PLCG2: variants seen among roughly 807,000 people sequenced by gnomAD.
The protein encoded by PLCG2 is 1-phosphatidylinositol 4,5-bisphosphate phosphodiesterase gamma-2.
In PLCG2, 69 loss-of-function variants were observed where a neutral mutation model predicts 175.6. The observed-to-expected ratio is 0.39, with a 90% CI of 0.32 to 0.48. The LOEUF (loss-of-function observed/expected upper bound fraction) is 0.48, where lower values mean the gene tolerates loss of function less well. PLCG2 is among the 20% of genes least tolerant of loss of function. The pLI is 0.91. For synonymous variants in PLCG2, 827 were observed against 624.0 expected (o/e 1.33, Z -4.85); for missense variants, 1,798 against 1,650.9 (o/e 1.09, Z -1.54).
intron 2 of PLCG2, among the ~76,000 whole-genome samples, chr16:81,759,035 G>A (rs1909987758): frequency 6.6e-6 from 1 of 152,024 alleles, no homozygotes; most frequent in Non-Finnish European, 1.5e-5. Flanking sequence ...ACCTCATTAT[G>A]GTTTTAATTT....
chr16:81,853,525 C>T (rs1275749726), intron 2 of PLCG2, among the ~76,000 whole-genome samples: 1 of 152,104 alleles, frequency 6.6e-6, no homozygotes, highest in African/African-American at 2.4e-5. Flanking sequence ...GATCATCAGG[C>T]ATTAGATTCC....
At chr16:81,881,029 G>A (rs1908054370) in intron 8 of PLCG2, 76 bp downstream of exon 8, 4 of 1,442,832 alleles carry the variant, frequency 2.8e-6, no homozygotes, top group Non-Finnish European at 1.9e-6. Context: ...GCCTCCAGGA[G>A]GGGATGCCTG....
intron 5 of PLCG2, among the ~76,000 whole-genome samples, chr16:81,860,802 C>G (rs993635448): frequency 4.6e-5 from 7 of 152,080 alleles, no homozygotes; most frequent in Non-Finnish European, 7.3e-5. Context: ...AAAACCCTGT[C>G]TCTACTAAAA....
upstream of PLCG2, among the ~76,000 whole-genome samples, chr16:81,775,709 G>T (rs1364106121): frequency 6.6e-6 from 1 of 152,156 alleles, no homozygotes; most frequent in Non-Finnish European, 1.5e-5. Flanking sequence ...AATACAAAGA[G>T]TCAAGATGAT....
At chr16:81,935,955 G>A (rs1426782007) in intron 26 of PLCG2, 29 of 984,870 alleles carry the variant, frequency 2.9e-5, no homozygotes, top group Non-Finnish European at 3.0e-5. Flanking sequence ...AAAGGTGGTG[G>A]GAAAACTAGG....
intron 2 of PLCG2, among the ~76,000 whole-genome samples, chr16:81,822,065 A>G (rs1230427337): frequency 6.6e-6 from 1 of 152,194 alleles, no homozygotes; most frequent in Non-Finnish European, 1.5e-5. Context: ...TACGCTGCAG[A>G]GATGCTGCAA....
Position 81,896,365 on chromosome 16 carries a change from AAC to A in PLCG2, c.1193+498_1193+499del, listed in dbSNP as rs57375866. 4.1e-3 allele frequency among the ~76,000 whole-genome samples: 493 copies of A among 121,124 alleles called. 2 individuals are homozygous for A. The highest frequency in any genetic ancestry group is 7.4e-3 in the African/African-American group (224 of 30,070). The allele number at this position is 121,124 out of a possible 152,430, so 79.5% of individuals were successfully genotyped here. A position where few individuals can be genotyped will look rare whatever the true frequency, so the allele number is the denominator to read the frequency against. On this transcript the variant is annotated intron_variant, in intron 13 of 32. Coordinates refer to ENST00000564138, the MANE Select transcript of PLCG2 (RefSeq NM_002661.5). The stretch of plus-strand genomic sequence containing the variant: ...CATGGTGAAACCCCTTCTCTACCAA[AAC>A]ACACACACACACACACACACACACA...
intron 30 of PLCG2, among the ~76,000 whole-genome samples, chr16:81,942,442 C>T (rs540207874): frequency 3.9e-5 from 6 of 152,300 alleles, no homozygotes; most frequent in African/African-American, 1.4e-4. Flanking sequence ...CCTAGCAGTG[C>T]CTGGCACATC....
intron 5 of PLCG2, among the ~76,000 whole-genome samples, chr16:81,862,773 A>T (rs975555392): frequency 7.9e-5 from 12 of 152,088 alleles, no homozygotes; most frequent in Non-Finnish European, 1.3e-4. Context: ...TGAGAGGCTG[A>T]GGTGGGAGGA....
intron 30 of PLCG2, among the ~76,000 whole-genome samples, chr16:81,944,691 G>C (rs547772502): frequency 9.2e-5 from 14 of 152,204 alleles, no homozygotes; most frequent in Non-Finnish European, 1.8e-4. Context: ...GCCTAGGCTA[G>C]TCTTGAATTC....
chr16:81,785,804 A>G (rs1910942476), intron 1 of PLCG2, 139 bp from the exon 2 acceptor site: 4 of 581,960 alleles, frequency 6.9e-6, no homozygotes, highest in Non-Finnish European at 1.2e-5. Flanking sequence ...GTGGCCAGCG[A>G]TGCCTTGCCA....
intron 30 of PLCG2, among the ~76,000 whole-genome samples, chr16:81,945,171 T>TTGTTTGAAGGTGATAA (rs1325702909): frequency 2.6e-5 from 4 of 152,214 alleles, no homozygotes; most frequent in South Asian, 2.1e-4. Context: ...TCAGTGGATA[T>TTGTTTGAAGGTGATAA]TGTTTGAAGG....
chr16:81,907,202 C>T (rs1387846029), intron 15 of PLCG2, among the ~76,000 whole-genome samples: 1 of 151,956 alleles, frequency 6.6e-6, no homozygotes, highest in Non-Finnish European at 1.5e-5. Context: ...TGCACCCAGC[C>T]TCCTCTCACA....
At chr16:81,892,998 C>A (rs1464384610) in intron 11 of PLCG2, among the ~76,000 whole-genome samples, 3 of 152,066 alleles carry the variant, frequency 2.0e-5, no homozygotes, top group African/African-American at 7.2e-5. Context: ...GCACGAGCCA[C>A]CATGCCCTGT....
At chr16:81,746,958 A>C (rs1195173934) in intron 1 of PLCG2, among the ~76,000 whole-genome samples, 1 of 152,152 alleles carries the variant, frequency 6.6e-6, no homozygotes, top group Non-Finnish European at 1.5e-5. Flanking sequence ...ATAGGCAAAA[A>C]CTTAAGGAAA....
Position 81,927,097 on chromosome 16 carries a change from T to C in PLCG2, c.2433T>C (p.Tyr811=), listed in dbSNP as rs538746540. ...KEPGGWWKGD[Y]GTRIQQYFPS... is the part of the protein sequence containing the mutation. ...TCTTATCCAGGTGGAAAGGAGACTATGGAACCAGGATCCAGCAGTACTTCC... is the reference window on the plus strand; with the variant it reads ...TCTTATCCAGGTGGAAAGGAGACTACGGAACCAGGATCCAGCAGTACTTCC... Residue 811 remains tyrosine (Y), a synonymous_variant, in exon 23 of 33, where the codon TAT becomes TAC. Transcript: ENST00000564138. 6 of 1,612,946 alleles carry C rather than the reference T, an allele frequency of 3.7e-6. No homozygotes were observed. The African/African-American group carries it at 6.7e-5, about 18-fold the overall frequency.
At chr16:81,792,480 C>CAAAAAAAAAAAAAAAAAAAAAAAAAAAA (rs532680550) in intron 2 of PLCG2, among the ~76,000 whole-genome samples, 6 of 70,156 alleles carry the variant, frequency 8.6e-5, no homozygotes, top group African/African-American at 2.0e-4. Flanking sequence ...GGCTCTGTCT[C>CAAAAAAAAAAAAAAAAAAAAAAAAAAAA]AAAAAAAAAA....
chr16:81,947,173 G>A (rs945476075), intron 31 of PLCG2, among the ~76,000 whole-genome samples: 4 of 152,328 alleles, frequency 2.6e-5, no homozygotes, highest in African/African-American at 7.2e-5. Context: ...CAGCAGCAGA[G>A]AAAATTAGTA....
chr16:81,891,317 G>A (rs1489767344), intron 10 of PLCG2, among the ~76,000 whole-genome samples, 155 bp from the exon 11 acceptor site: 1 of 152,142 alleles, frequency 6.6e-6, no homozygotes, highest in Non-Finnish European at 1.5e-5. Context: ...CTGAGCCTTC[G>A]GTATTGAAAA....
Sources: gnomAD v4.1 joint callset for allele counts (sites outside exome capture counted in the v4.1 genomes callset) on GRCh38, gnomAD v4.1.1 for gene constraint, MANE v1.5 for transcripts, NCBI Gene and HGNC (gene_info 2026-07-23, HGNC 2026-07-21) for gene names.